Variants in EMCN observed in about 807,000 individuals in gnomAD.
EMCN encodes the protein MUC-14.
EMCN carries 37 observed loss-of-function variants against 38.4 expected under a neutral mutation model. The ratio of observed to expected loss-of-function variants is 0.96; its 90% CI spans 0.74 to 1.27. The LOEUF is 1.27. EMCN is among the 50% of genes most tolerant of loss of function. The probability of loss-of-function intolerance (pLI) is 0.00; values close to 1 mark genes in which losing one functional copy is unlikely to be tolerated. For missense variants in EMCN, 318 were observed against 302.8 expected, an observed-to-expected ratio of 1.05 and a Z score of -0.37; for synonymous variants, 95 against 100.8, an observed-to-expected ratio of 0.94 and a Z score of 0.35.
intron 7 of EMCN, among the ~76,000 whole-genome samples, chr4:100,422,060 G>T (rs113160171): frequency 6.6e-6 from 1 of 151,568 alleles, no homozygotes. Context: ...TATTTCCAAG[G>T]TTAAAAGTAC....
intron 1 of EMCN, among the ~76,000 whole-genome samples, chr4:100,505,231 T>A (rs969334445): frequency 1.3e-5 from 2 of 152,194 alleles, no homozygotes; most frequent in African/African-American, 2.4e-5. Context: ...TTGGTGGTAG[T>A]GGTCCCCGGG....
intron 10 of EMCN, among the ~76,000 whole-genome samples, chr4:100,413,784 A>C (rs1315443708): frequency 6.6e-6 from 1 of 152,208 alleles, no homozygotes; most frequent in Non-Finnish European, 1.5e-5. Flanking sequence ...GGCAGAAATA[A>C]AAGTACCCAA....
intron 5 of EMCN, among the ~76,000 whole-genome samples, chr4:100,437,134 G>T (rs1727376589): frequency 6.6e-6 from 1 of 152,162 alleles, no homozygotes; most frequent in Non-Finnish European, 1.5e-5. Context: ...TGGGTGTGAG[G>T]TAGTATCACA....
At chr4:100,411,311 G>A (rs1170421559) in intron 10 of EMCN, among the ~76,000 whole-genome samples, 2 of 152,144 alleles carry the variant, frequency 1.3e-5, no homozygotes, top group African/African-American at 4.8e-5. Flanking sequence ...GCTAACTATT[G>A]TTCGTTTTGC....
chr4:100,461,548 A>G (rs1728179082), intron 4 of EMCN, among the ~76,000 whole-genome samples: 1 of 152,186 alleles, frequency 6.6e-6, no homozygotes, highest in South Asian at 2.1e-4. Flanking sequence ...TTTAAATAAT[A>G]AAGTCAGAGC....
In EMCN at chr4:100,493,684, C is replaced by G. The variant is rs115781617; in HGVS notation, c.65-13645G>C. Among the ~76,000 whole-genome samples the G allele has an allele frequency of 4.2e-3, 638 of 152,216 alleles. 5 individuals carry two copies. The highest frequency in any genetic ancestry group is 0.015 in the African/African-American group (613 of 41,524). ...TATTTGTTTCCTCAAATGATGAATG[C>G]AATTATTATTTTACACGGGGGTTGT... On this transcript the variant is annotated intron_variant, in intron 1 of 11. Coordinates refer to ENST00000296420, the MANE Select transcript of EMCN (RefSeq NM_016242.4).
chr4:100,453,287 A>C (rs1333112019), intron 4 of EMCN, among the ~76,000 whole-genome samples: 2 of 152,130 alleles, frequency 1.3e-5, no homozygotes, highest in African/African-American at 4.8e-5. Flanking sequence ...CAAAGGGCTA[A>C]TATCCAGAAT....
chr4:100,418,889 G>T (rs181124795), intron 8 of EMCN, among the ~76,000 whole-genome samples: 6 of 152,180 alleles, frequency 3.9e-5, no homozygotes. Flanking sequence ...GATTTCCTGT[G>T]TTAAGCGTAT....
At chr4:100,438,465 T>C (rs1727416667) in intron 5 of EMCN, among the ~76,000 whole-genome samples, 1 of 152,120 alleles carries the variant, frequency 6.6e-6, no homozygotes, top group Non-Finnish European at 1.5e-5. Flanking sequence ...GCGACTTTAC[T>C]GAATTCATTT....
chr4:100,495,961 A>G (rs993002999), intron 1 of EMCN, among the ~76,000 whole-genome samples: 1 of 152,102 alleles, frequency 6.6e-6, no homozygotes, highest in Non-Finnish European at 1.5e-5. Context: ...ACTGTGTTGA[A>G]TTTATATTGA....
chr4:100,430,941 A>G (rs1727178937), intron 5 of EMCN, among the ~76,000 whole-genome samples: 1 of 152,174 alleles, frequency 6.6e-6, no homozygotes, highest in Middle Eastern at 3.2e-3. Flanking sequence ...ATCCTAACTA[A>G]ACGACAATAG....
chr4:100,485,586 G>T (rs1293428815), intron 1 of EMCN, among the ~76,000 whole-genome samples: 1 of 150,738 alleles, frequency 6.6e-6, no homozygotes, highest in African/African-American at 2.4e-5. Context: ...ATATTAAAGA[G>T]ATATATAAAA....
rs770458929 is a variant in EMCN at position 100,401,290 on chromosome 4, T to TA, written c.*40-2918dup. 8.4e-4 allele frequency among the ~76,000 whole-genome samples: 128 copies of TA among 152,212 alleles called. 1 individual carries two copies. The highest frequency in any genetic ancestry group is 6.8e-3 in the Middle Eastern group (2 of 294). The stretch of plus-strand genomic sequence containing the variant: ...ACAGTAAAAATGAACAATACATTAA[T>TA]AAAAAATAATACAAATCGAAATATA... On this transcript the variant is annotated intron_variant, in intron 11 of 11. Coordinates refer to ENST00000296420, the MANE Select transcript of EMCN (RefSeq NM_016242.4).
At chr4:100,473,468 A>G (rs773277787) in intron 3 of EMCN, among the ~76,000 whole-genome samples, 44 of 146,290 alleles carry the variant, frequency 3.0e-4, no homozygotes, top group Non-Finnish European at 5.5e-4. Context: ...AACAAATCCA[A>G]GCGATTTTCT....
intron 10 of EMCN, among the ~76,000 whole-genome samples, chr4:100,411,437 T>C (rs1237314232): frequency 6.6e-6 from 1 of 152,178 alleles, no homozygotes; most frequent in East Asian, 1.9e-4. Flanking sequence ...AAGCAAGTCA[T>C]TGAAAATCTT....
At chr4:100,513,600 G>T (rs916152741) in intron 1 of EMCN, among the ~76,000 whole-genome samples, 18 of 152,038 alleles carry the variant, frequency 1.2e-4, no homozygotes, top group African/African-American at 4.3e-4. Context: ...TCCCCAAAGT[G>T]GTTATAGTTT....
intron 1 of EMCN, among the ~76,000 whole-genome samples, chr4:100,513,539 T>A (rs1196793162): frequency 6.6e-6 from 1 of 152,190 alleles, no homozygotes; most frequent in Non-Finnish European, 1.5e-5. Context: ...TGTATCACAT[T>A]GAGTATTTGA....
At position 100,447,565 on chromosome 4, in the gene EMCN, G is replaced by A. The variant is rs1462392140; in HGVS notation, c.383C>T (p.Thr128Ile). The A allele has an allele frequency of 6.3e-7, 1 of 1,599,906 alleles. No individual in the cohort carries two copies. The highest frequency in any genetic ancestry group is 1.1e-5 in the South Asian group (1 of 90,572). Residue 128 changes from threonine (T) to isoleucine (I), a missense_variant, in exon 5 of 12, where the codon ACT becomes ATT. Transcript: ENST00000296420. The part of the protein sequence containing the change: ...TLQSSKPKTE[T>I]QSSIKTTEIP... ...TTCTGTTGTTTTAATTGAACTCTGAGTTTCAGCTTTAGAAGGAAAAAAAGA... is the reference window on the plus strand; with the variant it reads ...TTCTGTTGTTTTAATTGAACTCTGAATTTCAGCTTTAGAAGGAAAAAAAGA...
intron 1 of EMCN, among the ~76,000 whole-genome samples, chr4:100,507,130 A>G (rs1023389218): frequency 1.3e-5 from 2 of 152,176 alleles, no homozygotes; most frequent in Non-Finnish European, 2.9e-5. Flanking sequence ...AGTACCCTAT[A>G]GGATAGAGGC....
Sources: gnomAD v4.1 joint callset for allele counts (sites outside exome capture counted in the v4.1 genomes callset) on GRCh38, gnomAD v4.1.1 for gene constraint, MANE v1.5 for transcripts, NCBI Gene and HGNC (gene_info 2026-07-23, HGNC 2026-07-21) for gene names.